RUNX1: variants seen among roughly 807,000 people sequenced by gnomAD.
RUNX1 encodes the protein RUNX family transcription factor 1, also known as runt-related transcription factor 1.
RUNX1 carries 19 observed loss-of-function variants against 42.8 expected under a neutral mutation model. That is an observed-to-expected ratio of 0.44 (90% confidence interval 0.31 to 0.65). The LOEUF is 0.65. RUNX1 is among the 30% of genes least tolerant of loss of function. The probability of loss-of-function intolerance (pLI) is 0.07; values close to 1 mark genes in which losing one functional copy is unlikely to be tolerated. For missense variants in RUNX1, 528 were observed against 672.0 expected, an observed-to-expected ratio of 0.79 and a Z score of 2.37; for synonymous variants, 271 against 289.4, an observed-to-expected ratio of 0.94 and a Z score of 0.64.
At chr21:34,967,058 A>C (rs2058723934) in intron 2 of RUNX1, among the ~76,000 whole-genome samples, 1 of 152,050 alleles carries the variant, frequency 6.6e-6, no homozygotes, top group South Asian at 2.1e-4. Flanking sequence ...TTTTAAGAAT[A>C]GTATTTTCCC....
intron 2 of RUNX1, among the ~76,000 whole-genome samples, chr21:34,967,999 A>C (rs532032073): frequency 6.6e-6 from 1 of 152,156 alleles, no homozygotes; most frequent in African/African-American, 2.4e-5. Flanking sequence ...TCTGAGAAAA[A>C]CACTGATTGA....
chr21:34,849,284 A>G (rs1163582168), intron 6 of RUNX1, among the ~76,000 whole-genome samples: 2 of 62,862 alleles, frequency 3.2e-5, no homozygotes, highest in Non-Finnish European at 5.7e-5. Context: ...TATATAATAT[A>G]TATTATATAT....
At chr21:34,819,927 A>G (rs1601389150) in intron 7 of RUNX1, among the ~76,000 whole-genome samples, 1 of 152,238 alleles carries the variant, frequency 6.6e-6, no homozygotes, top group Non-Finnish European at 1.5e-5. Context: ...TTGTGGGAGG[A>G]ATCGGCACAG....
chr21:34,888,897 G>A (rs1011598202), intron 3 of RUNX1, among the ~76,000 whole-genome samples: 18 of 151,624 alleles, frequency 1.2e-4, no homozygotes, highest in Admixed American at 5.3e-4. Flanking sequence ...CAGCCCGGGC[G>A]GGGAGTCGGA....
intron 7 of RUNX1, among the ~76,000 whole-genome samples, chr21:34,801,891 C>T (rs1034566747): frequency 1.3e-5 from 2 of 152,218 alleles, no homozygotes; most frequent in African/African-American, 4.8e-5. Flanking sequence ...GACTAATAGG[C>T]AGGAGAGGTG....
chr21:34,995,410 A>G (rs60226924), intron 2 of RUNX1, among the ~76,000 whole-genome samples: 5,483 of 150,910 alleles, frequency 0.036, 344 homozygotes, highest in African/African-American at 0.12. Flanking sequence ...ACCTCTTTGA[A>G]ATAAAGGCTG....
At chr21:34,871,023 G>A (rs2057729686) in intron 5 of RUNX1, among the ~76,000 whole-genome samples, 1 of 152,150 alleles carries the variant, frequency 6.6e-6, no homozygotes, top group Non-Finnish European at 1.5e-5. Context: ...CATGTATCAG[G>A]CATCATCTAA....
chr21:35,008,719 AC>A (rs1228835643), intron 2 of RUNX1, among the ~76,000 whole-genome samples: 1 of 152,062 alleles, frequency 6.6e-6, no homozygotes, highest in Non-Finnish European at 1.5e-5. Context: ...TGCCACTTTC[AC>A]CCTCTTCTCC....
rs1045721831 is a variant in RUNX1, at chr21:34,889,636, C to G, written c.98-2540G>C. On this transcript the variant is annotated intron_variant, in intron 3 of 8. Coordinates refer to ENST00000675419, the MANE Select transcript of RUNX1 (RefSeq NM_001754.5). ...CCGGAAGCGGCCCCCGCTCCTCTCC[C>G]CGCCCCCGTGCGCTCGAGCGGCCCC... 2.9e-5 allele frequency: 32 copies of G among 1,100,466 alleles called. No homozygotes were observed. The South Asian group carries it at 6.7e-4, about 23-fold the overall frequency. 68.2% of individuals were successfully genotyped at this position (1,100,466 alleles called of 1,614,324 possible).
At chr21:34,922,331 T>C (rs1180521422) in intron 2 of RUNX1, among the ~76,000 whole-genome samples, 1 of 152,170 alleles carries the variant, frequency 6.6e-6, no homozygotes, top group Non-Finnish European at 1.5e-5. Flanking sequence ...GTACCATCCC[T>C]GGGCTAGGAA....
At chr21:34,935,134 TC>T (rs2058475701) in intron 2 of RUNX1, among the ~76,000 whole-genome samples, 1 of 152,176 alleles carries the variant, frequency 6.6e-6, no homozygotes, top group Non-Finnish European at 1.5e-5. Flanking sequence ...GAAATACACT[TC>T]TATAATGAAA....
intron 2 of RUNX1, among the ~76,000 whole-genome samples, chr21:34,921,386 T>C (rs1378135423): frequency 6.6e-6 from 1 of 152,188 alleles, no homozygotes; most frequent in East Asian, 1.9e-4. Flanking sequence ...TAAGTGAAAT[T>C]GTACAGTATT....
chr21:35,007,070 C>T (rs1034997485), intron 2 of RUNX1, among the ~76,000 whole-genome samples: 16 of 152,206 alleles, frequency 1.1e-4, no homozygotes, highest in Non-Finnish European at 2.4e-4. Context: ...AAAGTGTAAC[C>T]TGCACACCAG....
chr21:34,933,478 G>A (rs1460463661), intron 2 of RUNX1, among the ~76,000 whole-genome samples: 1 of 152,150 alleles, frequency 6.6e-6, no homozygotes, highest in East Asian at 1.9e-4. Context: ...GTGGTGGGAT[G>A]TTATCAATCC....
chr21:34,860,945 T>C (rs1422990104), intron 5 of RUNX1, among the ~76,000 whole-genome samples: 3 of 152,148 alleles, frequency 2.0e-5, no homozygotes, highest in African/African-American at 7.2e-5. Context: ...AAAAGAGCAA[T>C]AGCAAGTAAC....
chr21:35,006,674 A>G (rs1041871792), intron 2 of RUNX1, among the ~76,000 whole-genome samples: 1 of 152,196 alleles, frequency 6.6e-6, no homozygotes, highest in African/African-American at 2.4e-5. Context: ...ATGCTGGTCA[A>G]TATTATCGTT....
chr21:34,991,274 G>A (rs1009141221), intron 2 of RUNX1, among the ~76,000 whole-genome samples: 9 of 151,888 alleles, frequency 5.9e-5, no homozygotes, highest in Admixed American at 1.3e-4. Context: ...AAATTCCCTC[G>A]GTCCTCTCTT....
intron 4 of RUNX1, among the ~76,000 whole-genome samples, chr21:34,885,229 G>A (rs886900829): frequency 1.3e-5 from 2 of 152,134 alleles, no homozygotes; most frequent in African/African-American, 4.8e-5. Flanking sequence ...GGTTTTAATG[G>A]CCTTTGGTGG....
intron 5 of RUNX1, among the ~76,000 whole-genome samples, chr21:34,868,585 G>A (rs531365679): frequency 1.3e-5 from 2 of 152,274 alleles, no homozygotes; most frequent in Admixed American, 6.5e-5. Flanking sequence ...TGCCTCCACC[G>A]GGTTAGTCTC....
Sources: allele counts gnomAD v4.1 joint callset (sites outside exome capture counted in the v4.1 genomes callset), GRCh38; gene constraint gnomAD v4.1.1; transcripts MANE v1.5; gene names NCBI Gene and HGNC (gene_info 2026-07-23, HGNC 2026-07-21).